Variants in SLC9A9 observed in about 807,000 individuals in gnomAD.
SLC9A9 encodes the protein sodium/hydrogen exchanger 9.
Under a neutral mutation model 77.8 loss-of-function variants are expected in SLC9A9, and 62 were observed. The ratio of observed to expected loss-of-function variants is 0.80; its 90% CI spans 0.65 to 0.98. The LOEUF is 0.98. Ranked by LOEUF, SLC9A9 falls within the 50% of genes least tolerant of loss-of-function variation. The probability of loss-of-function intolerance (pLI) is 0.00; values close to 1 mark genes in which losing one functional copy is unlikely to be tolerated. For synonymous variants in SLC9A9, 320 were observed against 283.5 expected, an observed-to-expected ratio of 1.13 and a Z score of -1.29; for missense variants, 775 against 774.9, an observed-to-expected ratio of 1.00 and a Z score of 0.00.
chr3:143,324,584 G>T (rs1368712112), intron 14 of SLC9A9, among the ~76,000 whole-genome samples: 1 of 152,190 alleles, frequency 6.6e-6, no homozygotes, highest in Admixed American at 6.5e-5. Flanking sequence ...CACTTTGGGA[G>T]GCTGAGGTGG....
chr3:143,657,105 G>A (rs148737896), intron 5 of SLC9A9, among the ~76,000 whole-genome samples: 32 of 152,178 alleles, frequency 2.1e-4, no homozygotes, highest in African/African-American at 6.5e-4. Context: ...TGAAGACTTA[G>A]CAGCAAAATT....
At chr3:143,730,427 C>T (rs1934770359) in intron 4 of SLC9A9, among the ~76,000 whole-genome samples, 2 of 152,210 alleles carry the variant, frequency 1.3e-5, no homozygotes, top group South Asian at 4.1e-4. Context: ...GAATTTATAT[C>T]TGGGGATGAA....
chr3:143,748,793 T>TCCTGG (rs1229721452), intron 4 of SLC9A9, among the ~76,000 whole-genome samples: 24 of 150,782 alleles, frequency 1.6e-4, no homozygotes, highest in Non-Finnish European at 2.9e-5. Context: ...AAGCTCCGCT[T>TCCTGG]CCTGGGTTCA....
chr3:143,504,588 A>C (rs575116505), intron 9 of SLC9A9, among the ~76,000 whole-genome samples: 110 of 152,282 alleles, frequency 7.2e-4, no homozygotes, highest in African/African-American at 2.4e-3. Context: ...ATCTTTGGAG[A>C]TCCTTCTATA....
intron 4 of SLC9A9, among the ~76,000 whole-genome samples, chr3:143,715,270 A>T (rs1934307793): frequency 6.6e-6 from 1 of 152,172 alleles, no homozygotes; most frequent in South Asian, 2.1e-4. Context: ...CCACTGCTCC[A>T]ATCAGGTGGT....
chr3:143,792,178 G>A lies in SLC9A9; in HGVS notation c.533+2823C>T, dbSNP rs555631167. Among the ~76,000 whole-genome samples the A allele has an allele frequency of 7.9e-5, 12 of 152,218 alleles. No individual in the cohort carries two copies. In the East Asian group the frequency reaches 2.1e-3, roughly 27 times the overall value. On this transcript the variant is annotated intron_variant, in intron 4 of 15. Transcript: ENST00000316549. ...TGCAAAGTGCTTTTAAAAAGGGCAT[G>A]ATACGTATCAAGCACTCCATAAATT...
At chr3:143,613,890 C>A (rs2038062107) in intron 6 of SLC9A9, among the ~76,000 whole-genome samples, 1 of 151,940 alleles carries the variant, frequency 6.6e-6, no homozygotes, top group South Asian at 2.1e-4. Flanking sequence ...ATAATGTTGT[C>A]CATTCTAGAA....
At chr3:143,747,104 A>G (rs886799508) in intron 4 of SLC9A9, among the ~76,000 whole-genome samples, 4 of 152,106 alleles carry the variant, frequency 2.6e-5, no homozygotes, top group African/African-American at 9.7e-5. Context: ...GTTACCTTAT[A>G]TAAAATGAGG....
At chr3:143,780,554 T>C (rs925498729) in intron 4 of SLC9A9, among the ~76,000 whole-genome samples, 3 of 152,236 alleles carry the variant, frequency 2.0e-5, no homozygotes, top group African/African-American at 7.2e-5. Context: ...AGAGGGCTAA[T>C]ATTCATTCTG....
intron 9 of SLC9A9, among the ~76,000 whole-genome samples, chr3:143,524,180 GA>G (rs5853110): frequency 9.6e-5 from 14 of 145,932 alleles, no homozygotes; most frequent in African/African-American, 2.8e-4. Flanking sequence ...ACTGAAGATA[GA>G]AAAAAAAAAA....
At chr3:143,437,085 C>T (rs1364324423) in intron 12 of SLC9A9, among the ~76,000 whole-genome samples, 4 of 152,204 alleles carry the variant, frequency 2.6e-5, no homozygotes, top group Non-Finnish European at 5.9e-5. Context: ...TTTCCCCCAC[C>T]AGACTTGGCC....
chr3:143,761,748 A>G (rs542143674), intron 4 of SLC9A9, among the ~76,000 whole-genome samples: 3 of 152,178 alleles, frequency 2.0e-5, no homozygotes, highest in African/African-American at 4.8e-5. Flanking sequence ...TGGTGGGACT[A>G]TAAACTAGTT....
chr3:143,737,349 A>C (rs984932368), intron 4 of SLC9A9, among the ~76,000 whole-genome samples: 1 of 152,152 alleles, frequency 6.6e-6, no homozygotes, highest in Admixed American at 6.5e-5. Context: ...TGATGTTCTC[A>C]CAGGAATTGG....
Position 143,561,498 on chromosome 3 carries a change from A to G in SLC9A9, c.1001-9048T>C, listed in dbSNP as rs76302444. Among the ~76,000 whole-genome samples the G allele has an allele frequency of 4.6e-3, 700 of 152,312 alleles. 1 individual carries two copies. Among genetic ancestry groups the G allele is most frequent in the Non-Finnish European group, 7.4e-3 (502 of 68,020 alleles). On this transcript the variant is annotated intron_variant, in intron 8 of 15. Coordinates refer to ENST00000316549, the MANE Select transcript of SLC9A9 (RefSeq NM_173653.4). The stretch of plus-strand genomic sequence containing the variant: ...AATATATGAAAAAGAGGACTTGGCC[A>G]CTAAAATAAAGAGCTGCACGGTAAG...
chr3:143,311,141 C>T (rs1359522105), intron 14 of SLC9A9, among the ~76,000 whole-genome samples: 1 of 152,224 alleles, frequency 6.6e-6, no homozygotes, highest in Non-Finnish European at 1.5e-5. Context: ...AAAGCAAGTC[C>T]ATTGTGTATC....
chr3:143,715,623 C>A (rs1474485679), intron 4 of SLC9A9, among the ~76,000 whole-genome samples: 1 of 152,170 alleles, frequency 6.6e-6, no homozygotes, highest in African/African-American at 2.4e-5. Flanking sequence ...ATCTCCAGAT[C>A]CCTGGATCAT....
At chr3:143,372,087 A>G in intron 13 of SLC9A9, 1 of 314,922 alleles carries the variant, frequency 3.2e-6, no homozygotes, top group Non-Finnish European at 6.4e-6. Context: ...AAATGGAAAC[A>G]TATCACATGG....
At chr3:143,685,809 A>T (rs1173992660) in intron 5 of SLC9A9, among the ~76,000 whole-genome samples, 1 of 152,310 alleles carries the variant, frequency 6.6e-6, no homozygotes, top group East Asian at 1.9e-4. Flanking sequence ...ACACACGATT[A>T]TAACTGCTTC....
chr3:143,693,443 C>T (rs1164756840), intron 4 of SLC9A9, 136 bp from the exon 5 acceptor site: 85 of 728,616 alleles, frequency 1.2e-4, no homozygotes, highest in Non-Finnish European at 1.6e-4. Flanking sequence ...AAATGACAGC[C>T]GTGCTAGGTC....
Sources: allele counts gnomAD v4.1 joint callset (sites outside exome capture counted in the v4.1 genomes callset), GRCh38; gene constraint gnomAD v4.1.1; transcripts MANE v1.5; gene names NCBI Gene and HGNC (gene_info 2026-07-23, HGNC 2026-07-21).